ITCH: variants seen among roughly 807,000 people sequenced by gnomAD.
ITCH encodes itchy E3 ubiquitin protein ligase.
Under a neutral mutation model 126.8 loss-of-function variants are expected in ITCH, and 28 were observed. The ratio of observed to expected loss-of-function variants is 0.22; its 90% CI spans 0.16 to 0.30. The LOEUF (loss-of-function observed/expected upper bound fraction) is 0.30. Ranked by LOEUF, ITCH falls within the 10% of genes least tolerant of loss-of-function variation. ITCH has a pLI of 1.00. For synonymous variants in ITCH, 342 were observed against 340.0 expected, an observed-to-expected ratio of 1.01 and a Z score of -0.06; for missense variants, 631 against 1,032.4, an observed-to-expected ratio of 0.61 and a Z score of 5.33.
chr20:34,400,043 A>G (rs948240302), intron 3 of ITCH, among the ~76,000 whole-genome samples: 5 of 151,432 alleles, frequency 3.3e-5, no homozygotes, highest in East Asian at 2.0e-4. Flanking sequence ...GGTTCAAGCA[A>G]TTTTTCTGCG....
chr20:34,472,762 C>G (rs1987772250), intron 16 of ITCH, among the ~76,000 whole-genome samples: 1 of 152,174 alleles, frequency 6.6e-6, no homozygotes, highest in African/African-American at 2.4e-5. Context: ...TATGTAGGAG[C>G]AGAAAACTTT....
rs758698688 is a variant in ITCH, at chr20:34,481,060, G to A, written c.1953-6G>A. 6.2e-7 allele frequency: 1 copy of A among 1,613,252 alleles called. No individual in the cohort carries two copies. The highest frequency in any genetic ancestry group is 8.5e-7 in the Non-Finnish European group (1 of 1,179,450). On this transcript the variant is annotated splice_region_variant and splice_polypyrimidine_tract_variant and intron_variant, in intron 19 of 24. Transcript: ENST00000374864. ...ATAACAAATAGTGCTAATTTCATTT[G>A]TGCAGGGAAAACAATATTGAGGAAT...
chr20:34,379,679 C>T (rs1166848336), intron 2 of ITCH, among the ~76,000 whole-genome samples: 1 of 151,332 alleles, frequency 6.6e-6, no homozygotes, highest in East Asian at 1.9e-4. Context: ...ACTGCAACCT[C>T]CGCCTCCTGG....
chr20:34,456,658 A>ATGTGTGTGTGTGTG (rs1335376931), intron 12 of ITCH, among the ~76,000 whole-genome samples: 57 of 143,260 alleles, frequency 4.0e-4, no homozygotes, highest in African/African-American at 1.5e-3. Flanking sequence ...ATATATATAT[A>ATGTGTGTGTGTGTG]TGTGTGTGTG....
At chr20:34,463,819 G>A (rs1219820334) in intron 14 of ITCH, among the ~76,000 whole-genome samples, 1 of 150,758 alleles carries the variant, frequency 6.6e-6, no homozygotes, top group Non-Finnish European at 1.5e-5. Flanking sequence ...TTGCGATTGA[G>A]TTTTAGGTGT....
At chr20:34,381,760 A>T (rs2038073993) in intron 2 of ITCH, among the ~76,000 whole-genome samples, 1 of 151,132 alleles carries the variant, frequency 6.6e-6, no homozygotes, top group South Asian at 2.1e-4. Context: ...TATTTGGGGG[A>T]GAATGAGGCA....
chr20:34,400,476 T>G (rs2038836065), intron 3 of ITCH, among the ~76,000 whole-genome samples: 1 of 151,886 alleles, frequency 6.6e-6, no homozygotes, highest in Non-Finnish European at 1.5e-5. Context: ...CTAATACCCA[T>G]GAAAGCTCCT....
intron 10 of ITCH, among the ~76,000 whole-genome samples, chr20:34,442,933 G>A (rs1351039264): frequency 6.7e-6 from 1 of 148,296 alleles, no homozygotes; most frequent in Non-Finnish European, 1.5e-5. Flanking sequence ...CCGAGATCTC[G>A]CCACTGCACT....
intron 6 of ITCH, among the ~76,000 whole-genome samples, chr20:34,420,439 T>G (rs2146205965): frequency 6.6e-6 from 1 of 152,380 alleles, no homozygotes; most frequent in African/African-American, 2.4e-5. Flanking sequence ...ATGATAGTTC[T>G]ACTGTGTATA....
chr20:34,462,629 T>A (rs1264500733), intron 14 of ITCH, among the ~76,000 whole-genome samples: 1 of 152,236 alleles, frequency 6.6e-6, no homozygotes, highest in African/African-American at 2.4e-5. Flanking sequence ...TGGGAAAATA[T>A]ATAACCTAAA....
At chr20:34,413,987 GT>G (rs1242654544) in intron 6 of ITCH, 108 bp downstream of exon 6, 1 of 988,654 alleles carries the variant, frequency 1.0e-6, no homozygotes, top group Non-Finnish European at 1.5e-6. Context: ...TTAATAAAAT[GT>G]TTTTTTCTGG....
At chr20:34,381,189 C>T (rs1024955042) in intron 2 of ITCH, among the ~76,000 whole-genome samples, 1 of 152,024 alleles carries the variant, frequency 6.6e-6, no homozygotes. Flanking sequence ...TCGCTTGAGC[C>T]CAGGAGTTGG....
intron 20 of ITCH, among the ~76,000 whole-genome samples, chr20:34,487,027 T>C (rs1364478264): frequency 6.7e-6 from 1 of 149,958 alleles, no homozygotes; most frequent in Admixed American, 6.6e-5. Flanking sequence ...TTTTTTTTTT[T>C]TTTTGAGACG....
intron 24 of ITCH, 25 bp from the exon 25 acceptor site, chr20:34,507,670 T>G (rs757585724): frequency 6.3e-7 from 1 of 1,582,800 alleles, no homozygotes; most frequent in South Asian, 1.1e-5. Flanking sequence ...TTTCCTTTTC[T>G]CAAACTAACA....
At chr20:34,464,067 C>T (rs1459497571) in intron 14 of ITCH, among the ~76,000 whole-genome samples, 3 of 151,742 alleles carry the variant, frequency 2.0e-5, no homozygotes, top group Non-Finnish European at 1.5e-5. Context: ...CTATGCCTCC[C>T]GGGTTCACGC....
At chr20:34,370,934 C>T (rs1210999560) in intron 2 of ITCH, among the ~76,000 whole-genome samples, 3 of 151,946 alleles carry the variant, frequency 2.0e-5, no homozygotes, top group Admixed American at 6.6e-5. Context: ...TTTGGGAGGC[C>T]GAGGCGGGTG....
At chr20:34,444,829 A>G (rs1013927304) in intron 10 of ITCH, among the ~76,000 whole-genome samples, 3 of 152,124 alleles carry the variant, frequency 2.0e-5, no homozygotes, top group East Asian at 1.9e-4. Context: ...TTTAGTAGAG[A>G]TGGGGCTTCA....
chr20:34,378,040 C>G (rs191659902), intron 2 of ITCH, among the ~76,000 whole-genome samples: 2,273 of 148,020 alleles, frequency 0.015, 21 homozygotes, highest in Middle Eastern at 0.024. Flanking sequence ...TTTTTTTTAA[C>G]ATACCTGGGA....
intron 14 of ITCH, among the ~76,000 whole-genome samples, chr20:34,469,292 C>A (rs532949244): frequency 2.6e-5 from 4 of 151,782 alleles, no homozygotes; most frequent in South Asian, 4.2e-4. Context: ...TTAGAAAATC[C>A]TTCCTTTTTT....
Sources: allele counts gnomAD v4.1 joint callset (sites outside exome capture counted in the v4.1 genomes callset), GRCh38; gene constraint gnomAD v4.1.1; transcripts MANE v1.5; gene names NCBI Gene and HGNC (gene_info 2026-07-23, HGNC 2026-07-21).